Variants in MED12L observed in about 807,000 individuals in gnomAD.
MED12L encodes the protein mediator of RNA polymerase II transcription subunit 12-like protein.
Under a neutral mutation model 281.3 loss-of-function variants are expected in MED12L, and 60 were observed. The observed-to-expected ratio is 0.21, with a 90% confidence interval of 0.17 to 0.26. The LOEUF (loss-of-function observed/expected upper bound fraction) is 0.26. Ranked by LOEUF, MED12L falls within the 10% of genes least tolerant of loss-of-function variation. The pLI is 1.00. For synonymous variants in MED12L, 974 were observed against 987.2 expected (o/e 0.99, Z 0.25); for missense variants, 2,146 against 2,680.9 (o/e 0.80, Z 4.41).
intron 16 of MED12L, among the ~76,000 whole-genome samples, chr3:151,221,496 A>G (rs910864874): frequency 6.6e-6 from 1 of 152,194 alleles, no homozygotes; most frequent in Non-Finnish European, 1.5e-5. Context: ...GGCCCAGCCC[A>G]GGGTCTCTGT....
intron 16 of MED12L, among the ~76,000 whole-genome samples, chr3:151,194,038 TCAC>T (rs2149110062): frequency 6.8e-6 from 1 of 147,028 alleles, no homozygotes; most frequent in African/African-American, 2.5e-5. Flanking sequence ...CGATCTTGAC[TCAC>T]CACAACCTCT....
intron 16 of MED12L, among the ~76,000 whole-genome samples, chr3:151,303,636 AC>A (rs1746247343): frequency 6.6e-6 from 1 of 152,114 alleles, no homozygotes; most frequent in Non-Finnish European, 1.5e-5. Flanking sequence ...TGTTGCGTGC[AC>A]CTGTAATCCC....
intron 16 of MED12L, among the ~76,000 whole-genome samples, chr3:151,298,020 A>G (rs1324627834): frequency 1.3e-5 from 2 of 152,208 alleles, no homozygotes; most frequent in Non-Finnish European, 2.9e-5. Context: ...ATGGTTTGTA[A>G]GAAGCAGATG....
chr3:151,313,912 G>C (rs1467424667), intron 16 of MED12L, among the ~76,000 whole-genome samples: 1 of 136,408 alleles, frequency 7.3e-6, no homozygotes, highest in East Asian at 2.1e-4. Context: ...GACAGAGCGA[G>C]ACTCCGTCTC....
At chr3:151,294,331 A>G (rs1744753232) in intron 16 of MED12L, 1 of 1,614,180 alleles carries the variant, frequency 6.2e-7, no homozygotes, top group Non-Finnish European at 8.5e-7. Context: ...GGCAAACATT[A>G]CACGCAGACA....
At chr3:151,182,611 G>T (rs946193670) in intron 11 of MED12L, among the ~76,000 whole-genome samples, 2 of 152,188 alleles carry the variant, frequency 1.3e-5, no homozygotes, top group Admixed American at 1.3e-4. Flanking sequence ...TGAGGCCCGA[G>T]GTGGAGGTGG....
intron 44 of MED12L, among the ~76,000 whole-genome samples, chr3:151,432,088 C>T (rs941137396): frequency 6.6e-6 from 1 of 152,204 alleles, no homozygotes; most frequent in Non-Finnish European, 1.5e-5. Flanking sequence ...CCACACAACT[C>T]CAGAGGGCTC....
At chr3:151,214,991 A>C (rs1727908529) in intron 16 of MED12L, among the ~76,000 whole-genome samples, 1 of 152,214 alleles carries the variant, frequency 6.6e-6, no homozygotes, top group South Asian at 2.1e-4. Context: ...GACGGACCTT[A>C]CTTTTAGAAA....
intron 1 of MED12L, chr3:151,086,595 C>G (rs1015260610): frequency 4.8e-6 from 1 of 207,262 alleles, no homozygotes; most frequent in African/African-American, 2.3e-5. Context: ...GCTCCTCCCC[C>G]TGGAGACAAG....
chr3:151,136,584 TG>T (rs1321957278), intron 5 of MED12L, among the ~76,000 whole-genome samples: 1 of 152,142 alleles, frequency 6.6e-6, no homozygotes, highest in Admixed American at 6.5e-5. Context: ...ATGGGGCTAT[TG>T]GGGGTGAGAC....
In MED12L at chr3:151,165,344, T is replaced by C. The variant is rs372155879; in HGVS notation, c.1258-76T>C. On this transcript the variant is annotated intron_variant, in intron 9 of 44. Coordinates refer to ENST00000687756, the MANE Select transcript of MED12L (RefSeq NM_001393769.1). ...TTCACTATAGGATACTTTACTCACG[T>C]GGAAAAACCTGACATGATTTAGACA... 39 of 1,180,814 alleles carry C rather than the reference T, an allele frequency of 3.3e-5. No individual in the cohort carries two copies. In the African/African-American group the frequency reaches 5.3e-4, roughly 16 times the overall value. The allele number at this position is 1,180,814 out of a possible 1,614,324, so 73.1% of individuals were successfully genotyped here. A position where few individuals can be genotyped will look rare whatever the true frequency, so the allele number is the denominator to read the frequency against.
intron 16 of MED12L, chr3:151,219,588 G>T (rs921357625): frequency 3.3e-5 from 5 of 152,030 alleles, no homozygotes; most frequent in Non-Finnish European, 7.4e-5. Flanking sequence ...AAGGTGTTTT[G>T]CCCAGTGAGC....
In MED12L at chr3:151,371,084, A is replaced by G. The variant is rs1756126633; in HGVS notation, c.3665-1483A>G. On this transcript the variant is annotated intron_variant, in intron 26 of 44. Coordinates refer to ENST00000687756, the MANE Select transcript of MED12L (RefSeq NM_001393769.1). ...CTCATACCTTCTCTGTTGTCCTAACATCTAAACTAAATGAGGATCTCCTAG... is the reference window on the plus strand; with the variant it reads ...CTCATACCTTCTCTGTTGTCCTAACGTCTAAACTAAATGAGGATCTCCTAG... Among the ~76,000 whole-genome samples, 2 of 152,220 alleles carry G rather than the reference A, an allele frequency of 1.3e-5. 1 individual carries two copies. Among genetic ancestry groups the G allele is most frequent in the South Asian group, 4.1e-4 (2 of 4,830 alleles).
At chr3:151,192,717 C>T in intron 15 of MED12L, 63 bp downstream of exon 15, 1 of 988,234 alleles carries the variant, frequency 1.0e-6, no homozygotes, top group East Asian at 2.6e-5. Flanking sequence ...CCCAGCCTGT[C>T]TCGATCCTTC....
chr3:151,340,644 GT>G (rs1303716390), intron 16 of MED12L: 2 of 152,634 alleles, frequency 1.3e-5, no homozygotes, highest in African/African-American at 4.8e-5. Flanking sequence ...GTAAGTAGTA[GT>G]TATTGCAACC....
chr3:151,234,794 A>G (rs1732395475), intron 16 of MED12L, among the ~76,000 whole-genome samples: 1 of 152,136 alleles, frequency 6.6e-6, no homozygotes, highest in Non-Finnish European at 1.5e-5. Context: ...ATGCCCATAT[A>G]ATGTGGACTA....
intron 16 of MED12L, among the ~76,000 whole-genome samples, chr3:151,277,566 T>C (rs1036975518): frequency 2.0e-5 from 3 of 152,186 alleles, no homozygotes; most frequent in Admixed American, 6.5e-5. Context: ...GTAGACAAGA[T>C]GGATTGCATG....
chr3:151,294,794 CG>C (rs1392509252), intron 16 of MED12L: 2 of 1,613,928 alleles, frequency 1.2e-6, no homozygotes, highest in Non-Finnish European at 1.7e-6. Context: ...GCTGTACATC[CG>C]AGAGTCCCCA....
intron 42 of MED12L, among the ~76,000 whole-genome samples, chr3:151,413,726 C>T (rs549823446): frequency 6.6e-6 from 1 of 152,188 alleles, no homozygotes; most frequent in Non-Finnish European, 1.5e-5. Context: ...TATAACACCT[C>T]TGGTCTGATA....
Sources: gnomAD v4.1 joint callset for allele counts (sites outside exome capture counted in the v4.1 genomes callset) on GRCh38, gnomAD v4.1.1 for gene constraint, MANE v1.5 for transcripts, NCBI Gene and HGNC (gene_info 2026-07-23, HGNC 2026-07-21) for gene names.